Variants in STXBP3 observed in about 807,000 individuals in gnomAD.
STXBP3 encodes syntaxin-binding protein 3.
Under a neutral mutation model 85.7 loss-of-function variants are expected in STXBP3, and 41 were observed. The ratio of observed to expected loss-of-function variants is 0.48; its 90% CI spans 0.37 to 0.62. The LOEUF is 0.62. Among genes scored for constraint, STXBP3 ranks in the 20% least tolerant of loss-of-function variants. The pLI, the probability that STXBP3 is intolerant of heterozygous loss-of-function variation, is 0.00. For synonymous variants in STXBP3, 229 were observed against 231.7 expected (o/e 0.99, Z 0.10); for missense variants, 563 against 703.1 (o/e 0.80, Z 2.25).
chr1:108,759,755 A>C (rs1394456403), intron 5 of STXBP3, among the ~76,000 whole-genome samples: 1 of 152,188 alleles, frequency 6.6e-6, no homozygotes, highest in Non-Finnish European at 1.5e-5. Context: ...AAGGAAATAC[A>C]TCTGAGGTTG....
At chr1:108,775,337 C>T (rs12727747) in intron 7 of STXBP3, among the ~76,000 whole-genome samples, 49,339 of 151,782 alleles carry the variant, frequency 0.33, 8,576 homozygotes, top group African/African-American at 0.41. Flanking sequence ...GTACGTGACA[C>T]ATTTTGATAC....
intron 6 of STXBP3, among the ~76,000 whole-genome samples, chr1:108,764,261 T>G (rs1759483): frequency 0.26 from 39,045 of 151,854 alleles, 5,358 homozygotes; most frequent in African/African-American, 0.32. Flanking sequence ...CATATATATA[T>G]AGAGAGAGAT....
In STXBP3 at chr1:108,796,026, C is replaced by T. The variant is rs139145251; in HGVS notation, c.1111-208C>T. Among the ~76,000 whole-genome samples the T allele has an allele frequency of 7.6e-3, 1,153 of 152,138 alleles. 13 individuals are homozygous for T. Among genetic ancestry groups the T allele is most frequent in the African/African-American group, 0.026 (1,092 of 41,512 alleles). On this transcript the variant is annotated intron_variant, in intron 13 of 18. Transcript: ENST00000370008. Reference sequence around the variant, plus strand: ...GATTATAGGCACCTGCCACCACGCCCGGCTAATTTTTTGTATTTTTAGTAC... The same window carrying T: ...GATTATAGGCACCTGCCACCACGCCTGGCTAATTTTTTGTATTTTTAGTAC...
chr1:108,795,278 G>C (rs1663065395), intron 13 of STXBP3, among the ~76,000 whole-genome samples: 1 of 152,058 alleles, frequency 6.6e-6, no homozygotes, highest in Non-Finnish European at 1.5e-5. Flanking sequence ...CAACTGTTTA[G>C]ACCATTGCCC....
intron 7 of STXBP3, among the ~76,000 whole-genome samples, chr1:108,775,920 AACACACACACACACACAC>A (rs59575550): frequency 6.0e-5 from 9 of 149,982 alleles, no homozygotes; most frequent in Non-Finnish European, 1.3e-4. Flanking sequence ...ATAAATCTCA[AACACACACACACACACAC>A]ACACACACAC....
intron 11 of STXBP3, among the ~76,000 whole-genome samples, chr1:108,783,674 TATTAAGAGTAAA>T (rs1273643079): frequency 6.6e-6 from 1 of 152,208 alleles, no homozygotes; most frequent in African/African-American, 2.4e-5. Context: ...CTCTTGGGTA[TATTAAGAGTAAA>T]ATTATTGGGT....
intron 11 of STXBP3, among the ~76,000 whole-genome samples, chr1:108,788,525 G>C (rs1310631611): frequency 1.3e-5 from 2 of 152,150 alleles, no homozygotes; most frequent in Admixed American, 1.3e-4. Flanking sequence ...TTCAGGCATA[G>C]AGACTTCTTT....
intron 6 of STXBP3, among the ~76,000 whole-genome samples, chr1:108,769,421 A>AATCT (rs1662335608): frequency 6.6e-6 from 1 of 152,202 alleles, no homozygotes; most frequent in South Asian, 2.1e-4. Context: ...CAAACATAGA[A>AATCT]AGCATTCAAG....
At chr1:108,772,879 A>G in intron 7 of STXBP3, 60 bp downstream of exon 7, 1 of 1,405,134 alleles carries the variant, frequency 7.1e-7, no homozygotes, top group Non-Finnish European at 9.4e-7. Flanking sequence ...TATAGAGGTA[A>G]GTAATGTGTC....
intron 1 of STXBP3, among the ~76,000 whole-genome samples, chr1:108,750,508 A>C (rs1570744598): frequency 6.6e-6 from 1 of 152,230 alleles, no homozygotes; most frequent in African/African-American, 2.4e-5. Context: ...AAAAATGACT[A>C]TAAATAACTG....
intron 11 of STXBP3, among the ~76,000 whole-genome samples, chr1:108,791,468 G>T (rs1662972777): frequency 6.6e-6 from 1 of 150,920 alleles, no homozygotes; most frequent in African/African-American, 2.4e-5. Context: ...TCTCTTTCTG[G>T]GACCCCAGTC....
chr1:108,772,477 A>C (rs981847075), intron 6 of STXBP3, among the ~76,000 whole-genome samples, 188 bp from the exon 7 acceptor site: 81 of 145,616 alleles, frequency 5.6e-4, no homozygotes, highest in Non-Finnish European at 8.5e-4. Context: ...CTATCTGTAT[A>C]ATATATAAAT....
intron 6 of STXBP3, among the ~76,000 whole-genome samples, chr1:108,768,960 T>C (rs188744933): frequency 6.6e-6 from 1 of 152,260 alleles, no homozygotes; most frequent in East Asian, 1.9e-4. Flanking sequence ...TTGAATAACA[T>C]AGGGGTTAGG....
chr1:108,762,659 A>AT (rs1391289753), intron 6 of STXBP3, among the ~76,000 whole-genome samples: 2 of 152,082 alleles, frequency 1.3e-5, no homozygotes, highest in Non-Finnish European at 2.9e-5. Context: ...CAGTTATTCC[A>AT]TTTTTTCTTC....
At chr1:108,797,220 G>A (rs888101413) in intron 15 of STXBP3, among the ~76,000 whole-genome samples, 10 of 151,582 alleles carry the variant, frequency 6.6e-5, no homozygotes, top group African/African-American at 2.2e-4. Flanking sequence ...CAGGTGTGTT[G>A]GTGTGTACCT....
At chr1:108,788,732 C>T (rs1185551101) in intron 11 of STXBP3, among the ~76,000 whole-genome samples, 1 of 151,934 alleles carries the variant, frequency 6.6e-6, no homozygotes, top group Non-Finnish European at 1.5e-5. Flanking sequence ...ACTAATCTTG[C>T]TATTGTTAAT....
chr1:108,768,926 T>C (rs1340134125), intron 6 of STXBP3, among the ~76,000 whole-genome samples: 2 of 152,074 alleles, frequency 1.3e-5, no homozygotes, highest in African/African-American at 4.8e-5. Flanking sequence ...GTCACATATA[T>C]AATAAGGCAA....
At chr1:108,772,889 C>A in intron 7 of STXBP3, 70 bp downstream of exon 7, 1 of 1,341,412 alleles carries the variant, frequency 7.5e-7, no homozygotes, top group Admixed American at 2.6e-5. Context: ...AGTAATGTGT[C>A]TGTACCTTGG....
chr1:108,751,892 T>C (rs1235203292), intron 1 of STXBP3, among the ~76,000 whole-genome samples: 2 of 152,198 alleles, frequency 1.3e-5, no homozygotes, highest in Non-Finnish European at 2.9e-5. Flanking sequence ...AATTTAGCAA[T>C]GGGCAACTTA....
Sources: gnomAD v4.1 joint callset for allele counts (sites outside exome capture counted in the v4.1 genomes callset) on GRCh38, gnomAD v4.1.1 for gene constraint, MANE v1.5 for transcripts, NCBI Gene and HGNC (gene_info 2026-07-23, HGNC 2026-07-21) for gene names.